SEMA6D: variants seen among roughly 807,000 people sequenced by gnomAD.
The protein encoded by SEMA6D is semaphorin 6D.
SEMA6D carries 35 observed loss-of-function variants against 106.6 expected under a neutral mutation model. That is an observed-to-expected ratio of 0.33 (90% CI 0.25 to 0.44). The LOEUF (loss-of-function observed/expected upper bound fraction) is 0.44. SEMA6D is among the 20% of genes least tolerant of loss of function. The probability of loss-of-function intolerance (pLI) is 1.00; values close to 1 mark genes in which losing one functional copy is unlikely to be tolerated. For synonymous variants in SEMA6D, 499 were observed against 487.7 expected (o/e 1.02, Z -0.31); for missense variants, 1,185 against 1,345.9 (o/e 0.88, Z 1.87).
chr15:47,190,173 T>A (rs568340314), intron 1 of SEMA6D, among the ~76,000 whole-genome samples: 1 of 152,004 alleles, frequency 6.6e-6, no homozygotes, highest in South Asian at 2.1e-4. Context: ...GGGCAGAGAA[T>A]TTGTCTTCAA....
chr15:47,668,275 G>T (rs1292273081), intron 4 of SEMA6D, among the ~76,000 whole-genome samples: 1 of 152,122 alleles, frequency 6.6e-6, no homozygotes, highest in African/African-American at 2.4e-5. Flanking sequence ...AATAACTTGG[G>T]TCAGCTTGTT....
At chr15:47,599,863 T>G (rs2076612034) in intron 3 of SEMA6D, among the ~76,000 whole-genome samples, 1 of 152,106 alleles carries the variant, frequency 6.6e-6, no homozygotes, top group Non-Finnish European at 1.5e-5. Context: ...CCTAACCTTT[T>G]GATGGATCTG....
At chr15:47,768,797 C>T (rs2082482209) in intron 18 of SEMA6D, 49 bp downstream of exon 18, 14 of 1,555,412 alleles carry the variant, frequency 9.0e-6, no homozygotes, top group African/African-American at 1.4e-5. Flanking sequence ...AAACCTGATC[C>T]TTAATGTCAC....
intron 2 of SEMA6D, among the ~76,000 whole-genome samples, chr15:47,433,961 A>G (rs2041620110): frequency 6.6e-6 from 1 of 152,296 alleles, no homozygotes; most frequent in Middle Eastern, 3.4e-3. Flanking sequence ...CAGTAACTAC[A>G]TCTACATACT....
Position 47,301,699 on chromosome 15 carries a change from A to G in SEMA6D, c.-238-110694A>G, listed in dbSNP as rs377302651. Among the ~76,000 whole-genome samples, 12 of 152,268 alleles carry G rather than the reference A, an allele frequency of 7.9e-5. No homozygotes were observed. The East Asian group carries it at 1.4e-3, about 17-fold the overall frequency. The stretch of plus-strand genomic sequence containing the variant: ...TGCTGCTGCCACTCTCTGCCAGGTG[A>G]TTTTCCCTCTTAGCAACAGCTGTGA... On this transcript the variant is annotated intron_variant, in intron 1 of 19. Transcript: ENST00000558014.
chr15:47,591,911 G>C (rs2076446799), intron 3 of SEMA6D, among the ~76,000 whole-genome samples: 1 of 152,132 alleles, frequency 6.6e-6, no homozygotes, highest in Non-Finnish European at 1.5e-5. Flanking sequence ...CATTTGGAAA[G>C]AGCCACAGTG....
intron 3 of SEMA6D, among the ~76,000 whole-genome samples, chr15:47,473,084 T>A (rs948121717): frequency 2.4e-4 from 37 of 152,242 alleles, no homozygotes; most frequent in African/African-American, 8.7e-4. Flanking sequence ...TTCTCTAGGG[T>A]CAGTCTGAGG....
chr15:47,740,810 G>C, intron 1 of SEMA6D, among the ~76,000 whole-genome samples: 1 of 152,100 alleles, frequency 6.6e-6, no homozygotes, highest in Admixed American at 6.5e-5. Context: ...ACAAAGGCTT[G>C]ATGTTAGGTC....
chr15:47,407,407 AACAAAAAAAAC>A (rs1330675190), intron 1 of SEMA6D, among the ~76,000 whole-genome samples: 2 of 124,224 alleles, frequency 1.6e-5, no homozygotes, highest in Non-Finnish European at 3.6e-5. Flanking sequence ...CAACAACAAC[AACAAAAAAAAC>A]AAAAAAAACA....
chr15:47,348,725 C>CAGAGAGAGAGAGAGAGAGAGAGAG (rs1398441234), intron 1 of SEMA6D, among the ~76,000 whole-genome samples: 8 of 47,750 alleles, frequency 1.7e-4, no homozygotes, highest in African/African-American at 3.3e-4. Flanking sequence ...ACACCACACA[C>CAGAGAGAGAGAGAGAGAGAGAGAG]ACAGAGAGAG....
intron 1 of SEMA6D, among the ~76,000 whole-genome samples, chr15:47,281,100 G>T (rs4447358): frequency 2.7e-5 from 1 of 36,374 alleles, no homozygotes; most frequent in Admixed American, 4.1e-4. Context: ...TTTCTGTCTT[G>T]TTGATCTGTC....
intron 3 of SEMA6D, among the ~76,000 whole-genome samples, chr15:47,489,946 T>C (rs1426504987): frequency 1.3e-5 from 2 of 151,962 alleles, no homozygotes; most frequent in Non-Finnish European, 2.9e-5. Flanking sequence ...GCCACCACTC[T>C]CGGCTGCACA....
intron 1 of SEMA6D, among the ~76,000 whole-genome samples, chr15:47,400,562 C>G (rs1259181598): frequency 6.6e-6 from 1 of 151,942 alleles, no homozygotes; most frequent in East Asian, 1.9e-4. Flanking sequence ...GGCATTATTC[C>G]CATTTTCTTA....
intron 1 of SEMA6D, among the ~76,000 whole-genome samples, chr15:47,378,034 C>A (rs1015465174): frequency 1.3e-5 from 2 of 152,072 alleles, no homozygotes; most frequent in Non-Finnish European, 2.9e-5. Flanking sequence ...ATACTTGAAC[C>A]GTGAAAGTAG....
intron 2 of SEMA6D, among the ~76,000 whole-genome samples, chr15:47,421,706 G>A (rs937484570): frequency 1.3e-5 from 2 of 151,796 alleles, no homozygotes; most frequent in Non-Finnish European, 2.9e-5. Context: ...AGATAAGGGG[G>A]GATCAGAAGT....
chr15:47,761,845 C>T (rs2082076538), intron 7 of SEMA6D, 94 bp downstream of exon 7: 1 of 1,065,300 alleles, frequency 9.4e-7, no homozygotes, highest in Non-Finnish European at 1.4e-6. Flanking sequence ...AACTTGGATA[C>T]CCACCTTGAT....
chr15:47,760,835 C>G (rs1006574430), intron 3 of SEMA6D, 143 bp from the exon 4 acceptor site: 6 of 724,866 alleles, frequency 8.3e-6, no homozygotes, highest in Non-Finnish European at 1.4e-5. Context: ...TGAAAAAGTA[C>G]TCTTTGTTGA....
chr15:47,612,696 T>C (rs1369642), intron 4 of SEMA6D, among the ~76,000 whole-genome samples: 54,313 of 151,964 alleles, frequency 0.36, 9,872 homozygotes, highest in East Asian at 0.51. Flanking sequence ...GAATGAAGGG[T>C]ATGGGCTTTA....
chr15:47,586,845 G>C (rs12905212), intron 3 of SEMA6D, among the ~76,000 whole-genome samples: 64,546 of 147,322 alleles, frequency 0.44, 14,431 homozygotes, highest in East Asian at 0.67. Context: ...TGCTAGAACT[G>C]TATTTAAATG....
Sources: allele counts gnomAD v4.1 joint callset (sites outside exome capture counted in the v4.1 genomes callset), GRCh38; gene constraint gnomAD v4.1.1; transcripts MANE v1.5; gene names NCBI Gene and HGNC (gene_info 2026-07-23, HGNC 2026-07-21).